Variants in AQP3 observed in about 807,000 individuals in gnomAD.
AQP3 encodes aquaporin 3 (Gill blood group), also known as aquaporin-3.
Under a neutral mutation model 30.3 loss-of-function variants are expected in AQP3, and 15 were observed. The observed-to-expected ratio is 0.49, with a 90% CI of 0.33 to 0.76. The LOEUF (loss-of-function observed/expected upper bound fraction) is 0.76, where lower values mean the gene tolerates loss of function less well. AQP3 is among the 30% of genes least tolerant of loss of function. The pLI is 0.02. For missense variants in AQP3, 272 were observed against 384.8 expected, an observed-to-expected ratio of 0.71 and a Z score of 2.45; for synonymous variants, 153 against 163.2, an observed-to-expected ratio of 0.94 and a Z score of 0.47.
In AQP3 at chr9:33,443,699, G is replaced by T. The variant is rs1826875206; in HGVS notation, c.235+67C>A. ...GGCCACAGCTGTGACCTGCCCTTAG[G>T]AATGCCAGGACACCTAGTGGGAATG... On this transcript the variant is annotated intron_variant, in intron 2 of 5. Coordinates refer to ENST00000297991, the MANE Select transcript of AQP3 (RefSeq NM_004925.5). The surrounding 1 kb of genome is among the most constrained non-coding windows in gnomAD (Gnocchi z 5.0). 1.2e-6 allele frequency: 2 copies of T among 1,608,652 alleles called. No homozygotes were observed. The highest frequency in any genetic ancestry group is 2.7e-5 in the African/African-American group (2 of 74,830).
At position 33,442,341 on chromosome 9, in the gene AQP3, G is replaced by T; in HGVS notation, c.670C>A (p.Leu224Ile). Residue 224 changes from leucine (L) to isoleucine (I), a missense_variant, in exon 5 of 6, where the codon CTT (leucine) becomes ATT (isoleucine). This residue lies in a region of AQP3 where 170 missense variants were observed against 286.4 expected (regional missense o/e 0.59). Transcript: ENST00000297991. ...VNPARDFGPR[L>I]FTALAGWGSA... Reference sequence around the variant, plus strand: ...CCCCAGCCCGCAAGGGCTGTAAAAAGGCGGGGGCCAAAGTCCCGGGCAGGG... The same window carrying T: ...CCCCAGCCCGCAAGGGCTGTAAAAATGCGGGGGCCAAAGTCCCGGGCAGGG... 6.2e-7 allele frequency: 1 copy of T among 1,613,054 alleles called. No homozygotes were observed. The highest frequency in any genetic ancestry group is 8.5e-7 in the Non-Finnish European group (1 of 1,179,664).
rs1225083688 is a variant in AQP3 at position 33,443,792 on chromosome 9, C to T, written c.209G>A (p.Gly70Asp). The T allele has an allele frequency of 6.2e-7, 1 of 1,613,966 alleles. No homozygotes were observed. Among genetic ancestry groups the T allele is most frequent in the African/African-American group, 1.3e-5 (1 of 75,028 alleles). The change falls in exon 2 of 6, where the codon GGC (glycine) becomes GAC (aspartate). Residue 70 changes from glycine (G) to aspartate (D), a missense_variant. By Grantham distance (94) the Gly-to-Asp change is moderately conservative (BLOSUM62 -1). Transcript: ENST00000297991. The surrounding 1 kb of genome is among the most constrained non-coding windows in gnomAD (Gnocchi z 5.0). ...AGAGACCTGGCCAGCGATGAGGATG[C>T]CCAGAGTGACAGCAAAGCCAAAGGC... ...NLAFGFAVTL[G>D]ILIAGQVSGA... is the part of the protein sequence containing the mutation.
rs897363690 is a variant in AQP3, at chr9:33,441,417, A to G, written c.*626T>C. The G allele has an allele frequency of 1.3e-5, 2 of 154,312 alleles. No individual in the cohort carries two copies. The highest frequency in any genetic ancestry group is 1.9e-4 in the East Asian group (1 of 5,218). 9.6% of individuals were successfully genotyped at this position (154,312 alleles called of 1,614,324 possible). ...CCACTGCTCCTACTTATGTATGTAC[A>G]TCCAGAGCTCCAAACCTAAGCTGTG... On this transcript the variant is annotated 3_prime_UTR_variant, in exon 6 of 6. Coordinates refer to ENST00000297991, the MANE Select transcript of AQP3 (RefSeq NM_004925.5).
chr9:33,443,388 G>A lies in AQP3; in HGVS notation c.306C>T (p.Pro102=). ...CCAGCGTCTGTGCCAGGGTGTAGAT[G>A]GGCAGCTTGATCCAGGGCTCACGAG... is the stretch of plus-strand genomic sequence containing the variant. ...FLAREPWIKL[P]IYTLAQTLGA... The change falls in exon 3 of 6, where the codon CCC becomes CCT. Residue 102 remains proline, a synonymous_variant. Coordinates refer to ENST00000297991, the MANE Select transcript of AQP3 (RefSeq NM_004925.5). The surrounding 1 kb of genome is among the most constrained non-coding windows in gnomAD (Gnocchi z 5.0). The A allele has an allele frequency of 6.2e-7, 1 of 1,604,048 alleles. No homozygotes were observed. The highest frequency in any genetic ancestry group is 8.5e-7 in the Non-Finnish European group (1 of 1,175,668).
At chr9:33,442,594 C>T (rs764219129) in intron 4 of AQP3, 76 bp from the exon 5 acceptor site, 14 of 1,432,956 alleles carry the variant, frequency 9.8e-6, no homozygotes, top group Non-Finnish European at 1.3e-5. Flanking sequence ...CCCGTCTTCC[C>T]TCTAGCTCTT....
chr9:33,442,340 A>C lies in AQP3; in HGVS notation c.671T>G (p.Leu224Arg), dbSNP rs2118966198. The C allele has an allele frequency of 6.2e-7, 1 of 1,612,986 alleles. No individual in the cohort carries two copies. The highest frequency in any genetic ancestry group is 8.5e-7 in the Non-Finnish European group (1 of 1,179,634). Residue 224 changes from leucine to arginine, a missense_variant, in exon 5 of 6, where the codon CTT becomes CGT. Coordinates refer to ENST00000297991, the MANE Select transcript of AQP3 (RefSeq NM_004925.5). ...GCCCCAGCCCGCAAGGGCTGTAAAA[A>C]GGCGGGGGCCAAAGTCCCGGGCAGG... is the stretch of plus-strand genomic sequence containing the variant. ...VNPARDFGPRLFTALAGWGSA... is the reference protein window; with the variant it reads ...VNPARDFGPRRFTALAGWGSA...
rs1238782543 is a variant in AQP3 at position 33,443,244 on chromosome 9, A to G, written c.373+77T>C. 6.5e-7 allele frequency: 1 copy of G among 1,542,320 alleles called. No homozygotes were observed. The highest frequency in any genetic ancestry group is 8.8e-7 in the Non-Finnish European group (1 of 1,138,218). On this transcript the variant is annotated intron_variant, in intron 3 of 5. Coordinates refer to ENST00000297991, the MANE Select transcript of AQP3 (RefSeq NM_004925.5). This position sits in a 1 kb window ranked among gnomAD's most constrained non-coding sequence, Gnocchi z 5.0. ...CCTGGGCAGGTCCTAGCCGTCTGTC[A>G]TCAAAAGGCCTGGTGCCAGCAGGTC...
In AQP3 at chr9:33,443,728, T is replaced by G. The variant is rs368389462; in HGVS notation, c.235+38A>C. 6.2e-7 allele frequency: 1 copy of G among 1,613,398 alleles called. No individual in the cohort carries two copies. The highest frequency in any genetic ancestry group is 8.5e-7 in the Non-Finnish European group (1 of 1,179,818). Reference sequence around the variant, plus strand: ...GCCAGGACACCTAGTGGGAATGCTATTGAGGGCCAAGGGCTGGGGGCAGGG... The same window carrying G: ...GCCAGGACACCTAGTGGGAATGCTAGTGAGGGCCAAGGGCTGGGGGCAGGG... On this transcript the variant is annotated intron_variant, in intron 2 of 5. Transcript: ENST00000297991. The surrounding 1 kb of genome is among the most constrained non-coding windows in gnomAD (Gnocchi z 5.0).
intron 1 of AQP3, among the ~76,000 whole-genome samples, chr9:33,445,214 T>C (rs1354134551): frequency 6.6e-6 from 1 of 152,204 alleles, no homozygotes; most frequent in Non-Finnish European, 1.5e-5. Context: ...TAAAGCATTG[T>C]TGCCCTGAGC....
At chr9:33,446,795 G>A (rs1198965351) in intron 1 of AQP3, among the ~76,000 whole-genome samples, 3 of 152,142 alleles carry the variant, frequency 2.0e-5, no homozygotes, top group Admixed American at 1.3e-4. Context: ...TGAGCACCAG[G>A]TGAGCAACTT....
At chr9:33,445,079 T>C (rs1026682238) in intron 1 of AQP3, among the ~76,000 whole-genome samples, 1 of 152,138 alleles carries the variant, frequency 6.6e-6, no homozygotes, top group African/African-American at 2.4e-5. Flanking sequence ...TGGGAGGATC[T>C]TGAACCCAGG....
rs2231227 is a variant in AQP3, at chr9:33,443,594, C to T, written c.236-136G>A. ...TCTATGTAACAGGTCAGCTGATAAT[C>T]TCTGATTCCAAGGTGAGAGTCGAAA... is the stretch of plus-strand genomic sequence containing the variant. On this transcript the variant is annotated intron_variant, in intron 2 of 5. Coordinates refer to ENST00000297991, the MANE Select transcript of AQP3 (RefSeq NM_004925.5). This position sits in a 1 kb window ranked among gnomAD's most constrained non-coding sequence, Gnocchi z 5.0. 9 of 1,449,132 alleles carry T rather than the reference C, an allele frequency of 6.2e-6. No homozygotes were observed. In the Admixed American group the frequency reaches 1.2e-4, roughly 19 times the overall value. 89.8% of individuals were successfully genotyped at this position (1,449,132 alleles called of 1,614,324 possible).
rs375757891 is a variant in AQP3, at chr9:33,443,439, G to A, written c.255C>T (p.Ala85=). 52 of 1,611,996 alleles carry A rather than the reference G, an allele frequency of 3.2e-5. No individual in the cohort carries two copies. The South Asian group carries it at 3.5e-4, about 11-fold the overall frequency. ...GQVSGAHLNP[A]VTFAMCFLAR... is the part of the protein sequence containing the mutation. ...CCAGGAAGCACATGGCAAAGGTCAC[G>A]GCAGGGTTCAGGTGGGCCCCTGGGC... is the stretch of plus-strand genomic sequence containing the variant. Residue 85 remains alanine, a synonymous_variant, in exon 3 of 6, where the codon GCC becomes GCT. Coordinates refer to ENST00000297991, the MANE Select transcript of AQP3 (RefSeq NM_004925.5). This position sits in a 1 kb window ranked among gnomAD's most constrained non-coding sequence, Gnocchi z 5.0.
chr9:33,443,567 G>T lies in AQP3; in HGVS notation c.236-109C>A. 1 of 1,486,632 alleles carries T rather than the reference G, an allele frequency of 6.7e-7. No individual in the cohort carries two copies. Among genetic ancestry groups the T allele is most frequent in the Non-Finnish European group, 9.2e-7 (1 of 1,091,868 alleles). 92.1% of individuals were successfully genotyped at this position (1,486,632 alleles called of 1,614,324 possible). ...GGGTTTCTTGCACAGGATGGCGGTT[G>T]GTCTATGTAACAGGTCAGCTGATAA... On this transcript the variant is annotated intron_variant, in intron 2 of 5. Coordinates refer to ENST00000297991, the MANE Select transcript of AQP3 (RefSeq NM_004925.5). This position sits in a 1 kb window ranked among gnomAD's most constrained non-coding sequence, Gnocchi z 5.0.
At position 33,443,849 on chromosome 9, in the gene AQP3, C is replaced by T. The variant is rs940868590; in HGVS notation, c.152G>A (p.Gly51Asp). Residue 51 changes from glycine to aspartate, a missense_variant, in exon 2 of 6, where the codon GGC (glycine) becomes GAC (aspartate). Gly to Asp is a moderately conservative substitution (Grantham distance 94, BLOSUM62 -1). Transcript: ENST00000297991. This position sits in a 1 kb window ranked among gnomAD's most constrained non-coding sequence, Gnocchi z 5.0. ...GSVAQVVLSR[G>D]THGGFLTINL... ...GATGGTGAGGAAACCACCGTGGGTG[C>T]CCCGGCTGAGCACAACCTGGGCCAC... The T allele has an allele frequency of 6.2e-7, 1 of 1,613,834 alleles. No individual in the cohort carries two copies. The highest frequency in any genetic ancestry group is 1.3e-5 in the African/African-American group (1 of 74,890).
At chr9:33,444,899 C>A (rs908067277) in intron 1 of AQP3, among the ~76,000 whole-genome samples, 2 of 152,180 alleles carry the variant, frequency 1.3e-5, no homozygotes, top group Non-Finnish European at 2.9e-5. Context: ...CTCTCACTAT[C>A]CCCAGCCCGG....
rs778828841 is a variant in AQP3, at chr9:33,443,862, C to T, written c.139G>A (p.Val47Met). Reference sequence around the variant, plus strand: ...CCACCGTGGGTGCCCCGGCTGAGCACAACCTGGGCCACGGAGCCACAGCCA... The same window carrying T: ...CCACCGTGGGTGCCCCGGCTGAGCATAACCTGGGCCACGGAGCCACAGCCA... ...MFGCGSVAQV[V>M]LSRGTHGGFL... Residue 47 changes from valine (V) to methionine (M), a missense_variant, in exon 2 of 6, where the codon GTG (valine) becomes ATG (methionine). Val to Met is a conservative substitution (Grantham distance 21). Transcript: ENST00000297991. The surrounding 1 kb of genome is among the most constrained non-coding windows in gnomAD (Gnocchi z 5.0). 8.1e-6 allele frequency: 13 copies of T among 1,613,880 alleles called. No homozygotes were observed. The East Asian group carries it at 2.7e-4, about 33-fold the overall frequency.
chr9:33,447,450 G>T lies in AQP3; in HGVS notation c.81C>A (p.Ala27=), dbSNP rs745553543. 11 of 1,607,184 alleles carry T rather than the reference G, an allele frequency of 6.8e-6. No homozygotes were observed. In the South Asian group the frequency reaches 1.2e-4, roughly 18 times the overall value. ...CCAGGATGAGGGTCCCCAGGCACTC[G>T]GCCAGCGCCTGTCGGAGCAGCCGGT... is the stretch of plus-strand genomic sequence containing the variant. ...IRYRLLRQAL[A]ECLGTLILVM... The change falls in exon 1 of 6, where the codon GCC becomes GCA. Residue 27 remains alanine, a synonymous_variant. Transcript: ENST00000297991.
Position 33,443,235 on chromosome 9 carries a change from C to T in AQP3, c.373+86G>A. On this transcript the variant is annotated intron_variant, in intron 3 of 5. Coordinates refer to ENST00000297991, the MANE Select transcript of AQP3 (RefSeq NM_004925.5). This position sits in a 1 kb window ranked among gnomAD's most constrained non-coding sequence, Gnocchi z 5.0. ...AGCCCGGGGCCTGGGCAGGTCCTAGCCGTCTGTCATCAAAAGGCCTGGTGC... is the reference window on the plus strand; with the variant it reads ...AGCCCGGGGCCTGGGCAGGTCCTAGTCGTCTGTCATCAAAAGGCCTGGTGC... 6.5e-7 allele frequency: 1 copy of T among 1,529,478 alleles called. No individual in the cohort carries two copies. The allele number at this position is 1,529,478 out of a possible 1,614,324, so 94.7% of individuals were successfully genotyped here.
Sources: gnomAD v4.1 joint callset for allele counts (sites outside exome capture counted in the v4.1 genomes callset) on GRCh38, gnomAD v4.1.1 for gene constraint, gnomAD v4.1.1 regional missense constraint, Gnocchi (gnomAD v3.1) non-coding constraint, MANE v1.5 for transcripts, NCBI Gene and HGNC (gene_info 2026-07-23, HGNC 2026-07-21) for gene names.